SNX8: variants seen among roughly 807,000 people sequenced by gnomAD.
The protein encoded by SNX8 is sorting nexin-8.
A neutral mutation model predicts 51.6 loss-of-function variants in SNX8; 25 were observed. The observed-to-expected ratio is 0.48, with a 90% CI of 0.35 to 0.68. SNX8 has a LOEUF of 0.68. Among genes scored for constraint, SNX8 ranks in the 30% least tolerant of loss-of-function variants. SNX8 has a pLI of 0.00. For missense variants in SNX8, 695 were observed against 624.0 expected, an observed-to-expected ratio of 1.11 and a Z score of -1.21; for synonymous variants, 324 against 277.0, an observed-to-expected ratio of 1.17 and a Z score of -1.68.
intron 5 of SNX8, among the ~76,000 whole-genome samples, chr7:2,267,072 T>C (rs1400900142): frequency 6.6e-6 from 1 of 152,132 alleles, no homozygotes; most frequent in East Asian, 1.9e-4. Flanking sequence ...GCTTAGAGGC[T>C]CGGGGCCTTG....
intron 3 of SNX8, 107 bp from the exon 4 acceptor site, chr7:2,272,078 G>T: frequency 1.4e-6 from 2 of 1,466,588 alleles, no homozygotes; most frequent in Non-Finnish European, 1.9e-6. Flanking sequence ...AGGGCCCAGC[G>T]GCTAGCAGAG....
intron 6 of SNX8, 59 bp from the exon 7 acceptor site, chr7:2,263,421 C>A: frequency 6.0e-6 from 9 of 1,508,822 alleles, no homozygotes; most frequent in South Asian, 1.2e-5. Flanking sequence ...ACCTGGCAGT[C>A]GAGTCTGGCA....
intron 1 of SNX8, among the ~76,000 whole-genome samples, chr7:2,298,024 T>A (rs897700259): frequency 6.6e-6 from 1 of 151,892 alleles, no homozygotes; most frequent in African/African-American, 2.4e-5. Context: ...CTAAAACTAT[T>A]GAAATAAAAA....
At chr7:2,278,369 C>T (rs1795833362) in intron 1 of SNX8, 64 bp from the exon 2 acceptor site, 4 of 1,028,352 alleles carry the variant, frequency 3.9e-6, no homozygotes, top group Non-Finnish European at 5.7e-6. Context: ...CTTGGCTGGG[C>T]ACAGTGGCGC....
At chr7:2,274,025 A>G (rs553075841) in intron 3 of SNX8, among the ~76,000 whole-genome samples, 5 of 152,324 alleles carry the variant, frequency 3.3e-5, no homozygotes, top group Admixed American at 6.5e-5. Context: ...TTAAATGCGC[A>G]AGCGGCCCAG....
upstream of SNX8, among the ~76,000 whole-genome samples, chr7:2,317,943 G>C (rs1796782130): frequency 6.6e-6 from 1 of 152,184 alleles, no homozygotes; most frequent in Non-Finnish European, 1.5e-5. Flanking sequence ...TCTGATAGCT[G>C]CTTCCTTCCT....
intron 1 of SNX8, among the ~76,000 whole-genome samples, chr7:2,353,656 C>T (rs1779218475): frequency 6.6e-6 from 1 of 152,026 alleles, no homozygotes; most frequent in Admixed American, 6.6e-5. Context: ...CCATCACCAC[C>T]GTCATCTCCA....
intron 1 of SNX8, among the ~76,000 whole-genome samples, chr7:2,350,573 G>A (rs573467100): frequency 2.6e-5 from 4 of 152,266 alleles, no homozygotes; most frequent in South Asian, 2.1e-4. Flanking sequence ...GGAGGCCAAC[G>A]CAGAAGGTTT....
chr7:2,265,465 G>A (rs1300140407), intron 5 of SNX8, among the ~76,000 whole-genome samples: 3 of 152,106 alleles, frequency 2.0e-5, no homozygotes, highest in African/African-American at 4.8e-5. Flanking sequence ...GCAACATAGT[G>A]AAACCCCATC....
chr7:2,270,314 CAAAAAAAAAAAAAA>C (rs57983721), intron 4 of SNX8, among the ~76,000 whole-genome samples: 27 of 57,088 alleles, frequency 4.7e-4, no homozygotes, highest in South Asian at 2.9e-3. Flanking sequence ...TCTCATTTTA[CAAAAAAAAAAAAAA>C]AAAAAAAAAA....
intron 1 of SNX8, among the ~76,000 whole-genome samples, chr7:2,333,413 A>C (rs1397466006): frequency 1.3e-5 from 2 of 151,584 alleles, no homozygotes; most frequent in Admixed American, 1.3e-4. Flanking sequence ...TACAAATAGT[A>C]GCTGGCCATG....
At chr7:2,341,658 G>C (rs962989833) in intron 1 of SNX8, among the ~76,000 whole-genome samples, 30 of 152,042 alleles carry the variant, frequency 2.0e-4, no homozygotes, top group African/African-American at 7.0e-4. Flanking sequence ...GGTGATAGAG[G>C]CAAGAGCCTA....
intron 1 of SNX8, among the ~76,000 whole-genome samples, chr7:2,341,256 CAT>C (rs1436680983): frequency 6.6e-6 from 1 of 151,954 alleles, no homozygotes; most frequent in Non-Finnish European, 1.5e-5. Flanking sequence ...CAGTGGCTCA[CAT>C]GAGGCTGAGG....
intron 1 of SNX8, among the ~76,000 whole-genome samples, chr7:2,342,525 C>T (rs771605522): frequency 6.6e-6 from 1 of 151,554 alleles, no homozygotes; most frequent in Non-Finnish European, 1.5e-5. Context: ...CGCAGTGGTG[C>T]GGGGCTGTAG....
intron 1 of SNX8, among the ~76,000 whole-genome samples, chr7:2,332,403 G>A (rs1304723120): frequency 1.3e-5 from 2 of 151,962 alleles, no homozygotes; most frequent in Non-Finnish European, 2.9e-5. Flanking sequence ...AGATATTTAT[G>A]AGCTATAAAT....
At chr7:2,333,138 T>G (rs1030925224) in intron 1 of SNX8, among the ~76,000 whole-genome samples, 2 of 151,460 alleles carry the variant, frequency 1.3e-5, no homozygotes, top group Non-Finnish European at 2.9e-5. Flanking sequence ...GGTCTTGAAC[T>G]CCTGACCTCA....
intron 1 of SNX8, among the ~76,000 whole-genome samples, chr7:2,351,702 G>A (rs1779143936): frequency 6.6e-6 from 1 of 151,494 alleles, no homozygotes; most frequent in South Asian, 2.1e-4. Context: ...GTGGTGGCAG[G>A]CGCCTGTAGT....
intron 1 of SNX8, among the ~76,000 whole-genome samples, 172 bp downstream of exon 1, chr7:2,314,156 G>A (rs534494587): frequency 6.6e-6 from 1 of 152,008 alleles, no homozygotes; most frequent in Non-Finnish European, 1.5e-5. Flanking sequence ...CCAAAGGACA[G>A]GCGCGCAGGA....
intron 1 of SNX8, among the ~76,000 whole-genome samples, chr7:2,321,694 G>A (rs948989333): frequency 6.9e-6 from 1 of 145,018 alleles, no homozygotes; most frequent in Non-Finnish European, 1.5e-5. Context: ...GATTACAGCT[G>A]TGAGCCACCG....
Sources: gnomAD v4.1 joint callset for allele counts (sites outside exome capture counted in the v4.1 genomes callset) on GRCh38, gnomAD v4.1.1 for gene constraint, MANE v1.5 for transcripts, NCBI Gene and HGNC (gene_info 2026-07-23, HGNC 2026-07-21) for gene names.